The following MARCHF1 variants were observed in gnomAD, a reference collection of about 807,000 sequenced individuals.
MARCHF1 encodes E3 ubiquitin-protein ligase MARCHF1.
MARCHF1 carries 40 observed loss-of-function variants against 54.2 expected under a neutral mutation model. The observed-to-expected ratio is 0.74, with a 90% confidence interval of 0.57 to 0.96. The LOEUF is 0.96. MARCHF1 is among the 40% of genes least tolerant of loss of function. The pLI, the probability that MARCHF1 is intolerant of heterozygous loss-of-function variation, is 0.00. For synonymous variants in MARCHF1, 236 were observed against 236.3 expected, an observed-to-expected ratio of 1.00 and a Z score of 0.01; for missense variants, 586 against 656.5, an observed-to-expected ratio of 0.89 and a Z score of 1.17.
chr4:164,191,934 T>C (rs938990024), intron 1 of MARCHF1, among the ~76,000 whole-genome samples: 4 of 152,146 alleles, frequency 2.6e-5, no homozygotes, highest in South Asian at 2.1e-4. Context: ...GGAATTGCTT[T>C]TGGGACATTA....
At chr4:163,587,832 T>A (rs1740459192) in intron 7 of MARCHF1, among the ~76,000 whole-genome samples, 1 of 151,534 alleles carries the variant, frequency 6.6e-6, no homozygotes, top group Non-Finnish European at 1.5e-5. Flanking sequence ...AAAATCTACA[T>A]AATTGCTTTT....
intron 4 of MARCHF1, among the ~76,000 whole-genome samples, chr4:163,821,789 G>A (rs990385609): frequency 2.7e-4 from 14 of 51,328 alleles, no homozygotes; most frequent in South Asian, 1.4e-3. Context: ...CCTGGGAAAA[G>A]AGGGTTTTTT....
intron 4 of MARCHF1, among the ~76,000 whole-genome samples, chr4:163,733,238 TATACACGTGTATATATATATAC>T (rs1561047157): frequency 1.1e-4 from 6 of 56,856 alleles, no homozygotes; most frequent in Non-Finnish European, 1.5e-4. Flanking sequence ...TATATATATA[TATACACGTGTATATATATATAC>T]ACACACACAC....
At chr4:163,914,945 C>T (rs940691587) in intron 3 of MARCHF1, among the ~76,000 whole-genome samples, 1 of 152,034 alleles carries the variant, frequency 6.6e-6, no homozygotes, top group African/African-American at 2.4e-5. Context: ...ATGGCTGGGG[C>T]ATACTGGGGC....
intron 8 of MARCHF1, among the ~76,000 whole-genome samples, chr4:163,582,886 G>A (rs61551831): frequency 0.019 from 2,844 of 152,236 alleles, 77 homozygotes; most frequent in African/African-American, 0.063. Flanking sequence ...TCAGGTTGAT[G>A]ACTGAGAAGG....
At chr4:164,215,316 G>A (rs1370455626) in intron 1 of MARCHF1, among the ~76,000 whole-genome samples, 1 of 152,128 alleles carries the variant, frequency 6.6e-6, no homozygotes, top group African/African-American at 2.4e-5. Flanking sequence ...TCTGTCACGT[G>A]CTCTTCTGCT....
chr4:164,053,395 T>G (rs897858301), intron 2 of MARCHF1, among the ~76,000 whole-genome samples: 3 of 152,192 alleles, frequency 2.0e-5, no homozygotes, highest in Non-Finnish European at 4.4e-5. Flanking sequence ...TTTCTCATTC[T>G]AAGATGCCAT....
intron 5 of MARCHF1, among the ~76,000 whole-genome samples, chr4:163,639,095 A>T (rs1163607231): frequency 6.6e-6 from 1 of 152,158 alleles, no homozygotes; most frequent in Non-Finnish European, 1.5e-5. Flanking sequence ...GGAGGAAAAG[A>T]GTGCTGGAAT....
chr4:164,191,225 T>C (rs749360248), intron 1 of MARCHF1, among the ~76,000 whole-genome samples: 46 of 152,246 alleles, frequency 3.0e-4, no homozygotes, highest in Non-Finnish European at 5.6e-4. Flanking sequence ...TTAATCCTCA[T>C]ATAGCTGAAG....
chr4:163,707,447 TA>T (rs1462501484), intron 4 of MARCHF1, among the ~76,000 whole-genome samples: 1 of 152,006 alleles, frequency 6.6e-6, no homozygotes, highest in African/African-American at 2.4e-5. Context: ...ATATTGTCAA[TA>T]AATATATGGC....
At chr4:164,305,446 A>T (rs1734670795) in intron 1 of MARCHF1, among the ~76,000 whole-genome samples, 1 of 152,128 alleles carries the variant, frequency 6.6e-6, no homozygotes, top group Non-Finnish European at 1.5e-5. Context: ...TTATGTAATC[A>T]GCAAAGTGCT....
At chr4:163,680,412 T>G (rs958096876) in intron 5 of MARCHF1, among the ~76,000 whole-genome samples, 2 of 152,380 alleles carry the variant, frequency 1.3e-5, no homozygotes, top group African/African-American at 4.8e-5. Flanking sequence ...TCAGGACTAT[T>G]TCTTTGAAGT....
At chr4:163,624,334 C>T (rs1741794722) in intron 5 of MARCHF1, among the ~76,000 whole-genome samples, 1 of 152,120 alleles carries the variant, frequency 6.6e-6, no homozygotes, top group Non-Finnish European at 1.5e-5. Context: ...GCGCCAACAC[C>T]CATTCCTTCA....
intron 4 of MARCHF1, among the ~76,000 whole-genome samples, chr4:163,810,531 T>C (rs973175726): frequency 3.9e-5 from 6 of 152,204 alleles, no homozygotes; most frequent in African/African-American, 7.2e-5. Flanking sequence ...GGGTTAACAA[T>C]TGCTAGTTGC....
At chr4:163,709,516 C>A (rs1745044869) in intron 4 of MARCHF1, among the ~76,000 whole-genome samples, 1 of 152,038 alleles carries the variant, frequency 6.6e-6, no homozygotes, top group African/African-American at 2.4e-5. Context: ...ACAAAAATGG[C>A]AAAATTGGCC....
At chr4:163,690,156 A>G (rs1158418782) in intron 5 of MARCHF1, among the ~76,000 whole-genome samples, 3 of 152,166 alleles carry the variant, frequency 2.0e-5, no homozygotes, top group African/African-American at 7.2e-5. Flanking sequence ...CCCATGTCCC[A>G]TTGTGTTTGA....
intron 1 of MARCHF1, among the ~76,000 whole-genome samples, chr4:164,199,143 G>T (rs190135135): frequency 1.3e-5 from 2 of 152,250 alleles, no homozygotes; most frequent in Non-Finnish European, 2.9e-5. Context: ...TGAGACAATT[G>T]AATGAGCTTA....
At chr4:163,836,395 G>C (rs866266708) in intron 4 of MARCHF1, among the ~76,000 whole-genome samples, 1 of 149,096 alleles carries the variant, frequency 6.7e-6, no homozygotes. Context: ...ACAGGCACCC[G>C]CCACCACGCC....
intron 4 of MARCHF1, among the ~76,000 whole-genome samples, chr4:163,775,853 GAAGA>G (rs1378695669): frequency 6.6e-6 from 1 of 152,128 alleles, no homozygotes; most frequent in Non-Finnish European, 1.5e-5. Flanking sequence ...GGATGGTCAA[GAAGA>G]GAGAGAGGAT....
Sources: allele counts gnomAD v4.1 joint callset (sites outside exome capture counted in the v4.1 genomes callset), GRCh38; gene constraint gnomAD v4.1.1; transcripts MANE v1.5; gene names NCBI Gene and HGNC (gene_info 2026-07-23, HGNC 2026-07-21).